Variants in TMTC2 observed in about 807,000 individuals in gnomAD.
TMTC2 encodes the protein transmembrane O-mannosyltransferase targeting cadherins 2.
In TMTC2, 43 loss-of-function variants were observed where a neutral mutation model predicts 82.4. The observed-to-expected ratio is 0.52, with a 90% confidence interval of 0.41 to 0.67. The LOEUF (loss-of-function observed/expected upper bound fraction) is 0.67. Among genes scored for constraint, TMTC2 ranks in the 30% least tolerant of loss-of-function variants. TMTC2 has a pLI of 0.00. For synonymous variants in TMTC2, 408 were observed against 381.9 expected (o/e 1.07, Z -0.80); for missense variants, 919 against 1,012.4 (o/e 0.91, Z 1.25).
chr12:82,848,490 G>C (rs1473274282), intron 1 of TMTC2, among the ~76,000 whole-genome samples: 1 of 151,938 alleles, frequency 6.6e-6, no homozygotes, highest in Non-Finnish European at 1.5e-5. Context: ...TATTTGCCTT[G>C]TCTACTTGGC....
chr12:83,045,910 G>C (rs915530640), intron 9 of TMTC2, among the ~76,000 whole-genome samples: 4 of 152,078 alleles, frequency 2.6e-5, no homozygotes, highest in African/African-American at 7.2e-5. Context: ...GATCTCAGGA[G>C]TTGTGCGAGT....
At chr12:82,776,635 A>G (rs1197533288) in intron 1 of TMTC2, among the ~76,000 whole-genome samples, 1 of 150,594 alleles carries the variant, frequency 6.6e-6, no homozygotes, top group Non-Finnish European at 1.5e-5. Flanking sequence ...AAAAAAAAAA[A>G]GAATCTGGGT....
chr12:82,746,022 G>A (rs567386498), intron 1 of TMTC2, among the ~76,000 whole-genome samples: 1 of 152,288 alleles, frequency 6.6e-6, no homozygotes, highest in South Asian at 2.1e-4. Flanking sequence ...AGGCCTATTG[G>A]TCCTGGCTGG....
chr12:82,716,489 G>A (rs953590266), intron 1 of TMTC2, among the ~76,000 whole-genome samples: 9 of 150,614 alleles, frequency 6.0e-5, no homozygotes, highest in Non-Finnish European at 1.2e-4. Flanking sequence ...TCAGCCTCCC[G>A]TGTAGCTGGG....
chr12:82,940,972 A>G (rs1456197812), intron 4 of TMTC2, among the ~76,000 whole-genome samples: 2 of 152,146 alleles, frequency 1.3e-5, no homozygotes, highest in Non-Finnish European at 2.9e-5. Flanking sequence ...AGAGCCAAGT[A>G]TTTATGGTAT....
In TMTC2 at chr12:82,922,049, C is replaced by T. The variant is rs148875883; in HGVS notation, c.1484-8382C>T. Among the ~76,000 whole-genome samples the T allele has an allele frequency of 2.3e-4, 35 of 151,996 alleles. 1 individual carries two copies. The highest frequency in any genetic ancestry group is 8.4e-4 in the African/African-American group (35 of 41,456). ...TTAAGCCCAAGAGGTTGAGGCTGCA[C>T]TGAGCCATGATCATGCCACTGCACT... On this transcript the variant is annotated intron_variant, in intron 3 of 11. Transcript: ENST00000321196.
intron 3 of TMTC2, among the ~76,000 whole-genome samples, chr12:82,926,873 A>T (rs983779286): frequency 1.3e-5 from 2 of 152,218 alleles, no homozygotes; most frequent in Non-Finnish European, 2.9e-5. Flanking sequence ...TACTGAATAT[A>T]TTAAGCTTAA....
At chr12:83,107,368 G>A (rs1884442671) in intron 11 of TMTC2, among the ~76,000 whole-genome samples, 1 of 152,184 alleles carries the variant, frequency 6.6e-6, no homozygotes, top group East Asian at 1.9e-4. Flanking sequence ...CATGGTGCTG[G>A]TACCTGCTCG....
Position 82,857,283 on chromosome 12 carries a change from T to C in TMTC2, c.357T>C (p.Ala119=), listed in dbSNP as rs1871306543. The change falls in exon 2 of 12, where the codon GCT becomes GCC. Residue 119 remains alanine, a synonymous_variant. Coordinates refer to ENST00000321196, the MANE Select transcript of TMTC2 (RefSeq NM_152588.3). The stretch of plus-strand genomic sequence containing the variant: ...GTGATGGATACTGGACATTCATGGC[T>C]GGCTTGATGTTTGCTTCTCACCCCA... ...LLGDGYWTFM[A]GLMFASHPIH... 1.2e-6 allele frequency: 2 copies of C among 1,614,094 alleles called. No individual in the cohort carries two copies. Among genetic ancestry groups the C allele is most frequent in the Admixed American group, 1.7e-5 (1 of 60,008 alleles).
At chr12:82,809,090 A>G (rs1345587270) in intron 1 of TMTC2, among the ~76,000 whole-genome samples, 2 of 148,942 alleles carry the variant, frequency 1.3e-5, no homozygotes, top group South Asian at 2.1e-4. Flanking sequence ...TATAATTTAT[A>G]TATTATTTAT....
intron 11 of TMTC2, among the ~76,000 whole-genome samples, chr12:83,100,890 G>C (rs1884195336): frequency 1.3e-5 from 2 of 152,246 alleles, no homozygotes; most frequent in African/African-American, 2.4e-5. Flanking sequence ...CAGAAAGTAA[G>C]CATGGCACTA....
At chr12:83,039,213 G>A (rs566450551) in intron 9 of TMTC2, among the ~76,000 whole-genome samples, 6 of 151,972 alleles carry the variant, frequency 3.9e-5, no homozygotes, top group South Asian at 2.1e-4. Context: ...GATTACAGGC[G>A]TAAGCCACCA....
At chr12:82,697,825 A>G (rs193079283) in intron 1 of TMTC2, among the ~76,000 whole-genome samples, 1 of 152,314 alleles carries the variant, frequency 6.6e-6, no homozygotes, top group East Asian at 1.9e-4. Context: ...TGGAGTCTCT[A>G]GAGTCAAGTG....
chr12:82,961,699 C>G (rs1178222732), intron 4 of TMTC2, among the ~76,000 whole-genome samples: 1 of 152,022 alleles, frequency 6.6e-6, no homozygotes, highest in Non-Finnish European at 1.5e-5. Context: ...GTCTCCAGTC[C>G]TATTTGGACT....
chr12:83,036,207 C>T (rs1264480169), intron 9 of TMTC2, among the ~76,000 whole-genome samples: 1 of 152,114 alleles, frequency 6.6e-6, no homozygotes. Context: ...ATTTATCCAG[C>T]ACTATGCTAG....
chr12:82,861,418 A>G, intron 2 of TMTC2, among the ~76,000 whole-genome samples: 1 of 152,238 alleles, frequency 6.6e-6, no homozygotes, highest in Non-Finnish European at 1.5e-5. Context: ...ATGGGAGTTT[A>G]TATTCTGTTA....
Position 83,002,058 on chromosome 12 carries a change from C to G in TMTC2, c.2070+16012C>G, listed in dbSNP as rs113372699. Among the ~76,000 whole-genome samples, 1,021 of 152,214 alleles carry G rather than the reference C, an allele frequency of 6.7e-3. 9 individuals carry two copies. Among genetic ancestry groups the G allele is most frequent in the African/African-American group, 0.023 (964 of 41,534 alleles). On this transcript the variant is annotated intron_variant, in intron 8 of 11. Transcript: ENST00000321196. The stretch of plus-strand genomic sequence containing the variant: ...TGGGATAGATTCAGTAGGATTGGTG[C>G]CAGCTCTTTGTACATCCAACAGAAT...
chr12:82,764,303 A>G lies in TMTC2; in HGVS notation c.83+76634A>G, dbSNP rs528709733. Among the ~76,000 whole-genome samples, 4 of 152,094 alleles carry G rather than the reference A, an allele frequency of 2.6e-5. No homozygotes were observed. The East Asian group carries it at 5.8e-4, about 22-fold the overall frequency. On this transcript the variant is annotated intron_variant, in intron 1 of 11. Transcript: ENST00000321196. The stretch of plus-strand genomic sequence containing the variant: ...CAGGCATGCACCACCACACCCAGAT[A>G]ATTTTTGTATTTTTGGTAGAGACAG...
intron 1 of TMTC2, among the ~76,000 whole-genome samples, chr12:82,785,289 G>T (rs115067330): frequency 0.016 from 2,405 of 151,794 alleles, 61 homozygotes; most frequent in African/African-American, 0.054. Flanking sequence ...ACCCTATGCT[G>T]AATCCTGAGC....
Sources: allele counts gnomAD v4.1 joint callset (sites outside exome capture counted in the v4.1 genomes callset), GRCh38; gene constraint gnomAD v4.1.1; transcripts MANE v1.5; gene names NCBI Gene and HGNC (gene_info 2026-07-23, HGNC 2026-07-21).